Variants in USP37 observed in about 807,000 individuals in gnomAD.
The protein encoded by USP37 is ubiquitin carboxyl-terminal hydrolase 37.
In USP37, 27 loss-of-function variants were observed where a neutral mutation model predicts 124.0. The ratio of observed to expected loss-of-function variants is 0.22; its 90% CI spans 0.16 to 0.30. The LOEUF (loss-of-function observed/expected upper bound fraction) is 0.30. USP37 is among the 10% of genes least tolerant of loss of function. The pLI, the probability that USP37 is intolerant of heterozygous loss-of-function variation, is 1.00. For synonymous variants in USP37, 365 were observed against 388.0 expected, an observed-to-expected ratio of 0.94 and a Z score of 0.70; for missense variants, 889 against 1,140.4, an observed-to-expected ratio of 0.78 and a Z score of 3.17.
At chr2:218,538,601 A>G (rs1691792123) in intron 8 of USP37, among the ~76,000 whole-genome samples, 1 of 152,186 alleles carries the variant, frequency 6.6e-6, no homozygotes, top group Non-Finnish European at 1.5e-5. Context: ...GGCAGATAGA[A>G]GCTATAAAAA....
chr2:218,494,952 A>G (rs1049790713), intron 14 of USP37, among the ~76,000 whole-genome samples: 18 of 152,196 alleles, frequency 1.2e-4, no homozygotes, highest in African/African-American at 4.3e-4. Flanking sequence ...CCAAAAAAGC[A>G]AGTAATAAGT....
intron 14 of USP37, among the ~76,000 whole-genome samples, chr2:218,492,017 T>C (rs552982436): frequency 1.7e-4 from 26 of 151,964 alleles, no homozygotes; most frequent in African/African-American, 2.7e-4. Context: ...CTAGGCAACA[T>C]TGGAAAACCC....
chr2:218,458,671 AG>A (rs761996801), intron 23 of USP37, among the ~76,000 whole-genome samples: 4 of 152,232 alleles, frequency 2.6e-5, no homozygotes, highest in Non-Finnish European at 5.9e-5. Flanking sequence ...AAAACAACTT[AG>A]ACAAATACTC....
chr2:218,484,655 CA>C (rs10671242), intron 16 of USP37, among the ~76,000 whole-genome samples: 13 of 147,534 alleles, frequency 8.8e-5, no homozygotes, highest in Admixed American at 2.0e-4. Flanking sequence ...AACAAACAAC[CA>C]AAAAAAAAAA....
rs1438647039 is a variant in USP37, at chr2:218,476,802, C to A, written c.2043+38G>T. The A allele has an allele frequency of 1.9e-6, 3 of 1,575,450 alleles. No homozygotes were observed. In the South Asian group the frequency reaches 3.6e-5, roughly 19 times the overall value. On this transcript the variant is annotated intron_variant, in intron 19 of 25. Coordinates refer to ENST00000258399, the MANE Select transcript of USP37 (RefSeq NM_020935.3). ...ATTTGTTTGGACAGTAAGAGATAAA[C>A]AAATCTTTGTCAGATGTTTTAAGAA... is the stretch of plus-strand genomic sequence containing the variant.
Position 218,556,543 on chromosome 2 carries a change from C to T in USP37, c.156+1955G>A, listed in dbSNP as rs1051660132. 5.0e-3 allele frequency among the ~76,000 whole-genome samples: 410 copies of T among 82,060 alleles called. 4 individuals carry two copies. The highest frequency in any genetic ancestry group is 0.018 in the African/African-American group (390 of 21,794). 53.8% of individuals were successfully genotyped at this position (82,060 alleles called of 152,430 possible). A position where few individuals can be genotyped will look rare whatever the true frequency, so the allele number is the denominator to read the frequency against. On this transcript the variant is annotated intron_variant, in intron 4 of 25. Transcript: ENST00000258399. ...TTTTTTTTTTTTTGAGATGGAGTTT[C>T]GCTCTTGTTGCCCAGGCTGGAGTGC...
chr2:218,506,000 A>C (rs1689659233), intron 11 of USP37, among the ~76,000 whole-genome samples: 1 of 151,756 alleles, frequency 6.6e-6, no homozygotes, highest in Admixed American at 6.6e-5. Flanking sequence ...AGTATCTGGG[A>C]CCAGAGGTGC....
chr2:218,537,780 C>T (rs1284149842), intron 8 of USP37, among the ~76,000 whole-genome samples: 1 of 152,144 alleles, frequency 6.6e-6, no homozygotes, highest in Non-Finnish European at 1.5e-5. Flanking sequence ...TGTGTAGAGT[C>T]ACCCACAGGA....
chr2:218,457,292 T>A (rs1689750112), intron 23 of USP37, 131 bp from the exon 24 acceptor site: 7 of 855,080 alleles, frequency 8.2e-6, no homozygotes, highest in Non-Finnish European at 1.3e-5. Flanking sequence ...AATTAAAAAA[T>A]CTGTTCATAC....
At chr2:218,498,316 T>C in intron 11 of USP37, 159 bp from the exon 12 acceptor site, 1 of 656,054 alleles carries the variant, frequency 1.5e-6, no homozygotes, top group Non-Finnish European at 2.3e-6. Context: ...TTCAGTAGGT[T>C]TGGACACAAA....
intron 10 of USP37, among the ~76,000 whole-genome samples, chr2:218,516,234 A>G (rs1292862568): frequency 6.7e-6 from 1 of 149,794 alleles, no homozygotes; most frequent in Non-Finnish European, 1.5e-5. Context: ...AGACACATGC[A>G]CACATAAGTT....
At chr2:218,548,361 G>T (rs1234127040) in intron 6 of USP37, among the ~76,000 whole-genome samples, 5 of 150,660 alleles carry the variant, frequency 3.3e-5, no homozygotes, top group African/African-American at 1.2e-4. Context: ...ATATATTTAA[G>T]ACAGAGTCTT....
chr2:218,562,944 A>G (rs1268326900), intron 1 of USP37, 131 bp from the exon 2 acceptor site: 1 of 372,238 alleles, frequency 2.7e-6, no homozygotes, highest in African/African-American at 2.1e-5. Context: ...CGGGCAGATA[A>G]CCTGAGGTCA....
intron 18 of USP37, among the ~76,000 whole-genome samples, chr2:218,478,852 T>C (rs1691105210): frequency 6.6e-6 from 1 of 152,202 alleles, no homozygotes; most frequent in African/African-American, 2.4e-5. Flanking sequence ...GTTAGTCATC[T>C]GGTTTTAATT....
intron 5 of USP37, among the ~76,000 whole-genome samples, chr2:218,550,676 A>G (rs1008814185): frequency 2.0e-5 from 3 of 150,998 alleles, no homozygotes; most frequent in Non-Finnish European, 2.9e-5. Flanking sequence ...CAAGTATATG[A>G]GAGTATCTTG....
chr2:218,500,786 C>CTT (rs534614045), intron 11 of USP37: 5,768 of 141,812 alleles, frequency 0.041, 150 homozygotes, highest in East Asian at 0.11. Flanking sequence ...CATGTCATGC[C>CTT]TTTTTTTTTT....
At chr2:218,455,465 A>C in intron 25 of USP37, 115 bp downstream of exon 25, 3 of 1,448,644 alleles carry the variant, frequency 2.1e-6, no homozygotes, top group Non-Finnish European at 2.7e-6. Context: ...ATAAAAACCA[A>C]AAATTTTCAA....
chr2:218,500,786 CT>C (rs534614045), intron 11 of USP37: 754 of 141,610 alleles, frequency 5.3e-3, no homozygotes, highest in African/African-American at 0.013. Flanking sequence ...CATGTCATGC[CT>C]TTTTTTTTTT....
chr2:218,525,677 T>G (rs1270701132), intron 10 of USP37, among the ~76,000 whole-genome samples: 2 of 152,176 alleles, frequency 1.3e-5, no homozygotes, highest in African/African-American at 4.8e-5. Context: ...CTTCTAAAAT[T>G]TTACAATATA....
Sources: gnomAD v4.1 joint callset for allele counts (sites outside exome capture counted in the v4.1 genomes callset) on GRCh38, gnomAD v4.1.1 for gene constraint, MANE v1.5 for transcripts, NCBI Gene and HGNC (gene_info 2026-07-23, HGNC 2026-07-21) for gene names.